RANBP2: variants seen among roughly 807,000 people sequenced by gnomAD.
The protein encoded by RANBP2 is RAN binding protein 2, also known as E3 SUMO-protein ligase RanBP2.
Under a neutral mutation model 303.6 loss-of-function variants are expected in RANBP2, and 57 were observed. That is an observed-to-expected ratio of 0.19 (90% CI 0.15 to 0.23). The LOEUF (loss-of-function observed/expected upper bound fraction) is 0.23, where lower values mean the gene tolerates loss of function less well. RANBP2 is among the 10% of genes least tolerant of loss of function. The probability of loss-of-function intolerance (pLI) is 1.00; values close to 1 mark genes in which losing one functional copy is unlikely to be tolerated. For synonymous variants in RANBP2, 1,167 were observed against 1,301.5 expected (o/e 0.90, Z 2.23); for missense variants, 3,138 against 3,780.8 (o/e 0.83, Z 4.46).
chr2:108,766,434 C>A lies in RANBP2; in HGVS notation c.5895C>A (p.Asp1965Glu). 1 of 1,611,890 alleles carries A rather than the reference C, an allele frequency of 6.2e-7. No individual in the cohort carries two copies. The highest frequency in any genetic ancestry group is 8.5e-7 in the Non-Finnish European group (1 of 1,179,842). ...SGEGFQFGKKDPNFKGFSGAG... is the reference protein window; with the variant it reads ...SGEGFQFGKKEPNFKGFSGAG... ...AAGGATTTCAGTTTGGCAAAAAAGA[C>A]CCCAATTTCAAGGGATTTTCAGGTG... Residue 1965 changes from aspartate to glutamate, a missense_variant, in exon 20 of 29, where the codon GAC becomes GAA. Coordinates refer to ENST00000283195, the MANE Select transcript of RANBP2 (RefSeq NM_006267.5).
the RANBP2 span, among the ~76,000 whole-genome samples, chr2:109,563,615 T>C: frequency 1.3e-5 from 2 of 152,194 alleles, no homozygotes; most frequent in Non-Finnish European, 2.9e-5. Flanking sequence ...CCAAGGAAGT[T>C]TCTACAACTT....
the RANBP2 span, among the ~76,000 whole-genome samples, chr2:109,111,135 G>C: frequency 6.6e-6 from 1 of 152,142 alleles, no homozygotes; most frequent in African/African-American, 2.4e-5. Context: ...TGCTTTACAA[G>C]GTAGCCCACT....
the RANBP2 span, among the ~76,000 whole-genome samples, chr2:109,075,848 A>G: frequency 6.6e-6 from 1 of 150,584 alleles, no homozygotes; most frequent in Non-Finnish European, 1.5e-5. Context: ...CCCAAAAAAG[A>G]AAAATCGATG....
chr2:109,260,759 G>T, the RANBP2 span, among the ~76,000 whole-genome samples: 2 of 152,158 alleles, frequency 1.3e-5, no homozygotes, highest in Non-Finnish European at 2.9e-5. Flanking sequence ...CAGAAGGCAC[G>T]GAAACTTCAG....
the RANBP2 span, among the ~76,000 whole-genome samples, chr2:109,396,198 G>A: frequency 5.3e-5 from 8 of 152,210 alleles, no homozygotes; most frequent in Non-Finnish European, 8.8e-5. Context: ...AGAGCCCCAC[G>A]GAGGGCTGTG....
chr2:108,846,667 A>T, the RANBP2 span: 1 of 1,360,064 alleles, frequency 7.4e-7, no homozygotes, highest in Non-Finnish European at 1.0e-6. Context: ...ACAGAGCAAG[A>T]CTGTGTCTCA....
At chr2:109,465,743 A>C in the RANBP2 span, among the ~76,000 whole-genome samples, 2 of 152,186 alleles carry the variant, frequency 1.3e-5, no homozygotes, top group African/African-American at 4.8e-5. Flanking sequence ...CGGAAGACAA[A>C]GAGGGAACAA....
At chr2:109,665,085 T>C in the RANBP2 span, 1 of 152,220 alleles carries the variant, frequency 6.6e-6, no homozygotes, top group Non-Finnish European at 1.5e-5. Context: ...AAAACCTTTA[T>C]GGAAGTACAG....
the RANBP2 span, among the ~76,000 whole-genome samples, chr2:109,143,998 C>T: frequency 6.6e-6 from 1 of 152,158 alleles, no homozygotes; most frequent in Admixed American, 6.5e-5. Context: ...AATCTAAAAA[C>T]ACTGAATTCA....
the RANBP2 span, among the ~76,000 whole-genome samples, chr2:109,625,103 A>AAAAAAAAAAAG: frequency 6.9e-6 from 1 of 145,224 alleles, no homozygotes; most frequent in Non-Finnish European, 1.5e-5. Context: ...AAAAAAAAAA[A>AAAAAAAAAAAG]AAAAGAAAAG....
At chr2:108,816,880 A>G in the RANBP2 span, among the ~76,000 whole-genome samples, 1 of 152,168 alleles carries the variant, frequency 6.6e-6, no homozygotes, top group Non-Finnish European at 1.5e-5. Flanking sequence ...AAATTTTTGT[A>G]GAGATCAGAC....
At chr2:109,612,763 A>G in the RANBP2 span, among the ~76,000 whole-genome samples, 5 of 152,196 alleles carry the variant, frequency 3.3e-5, no homozygotes, top group Admixed American at 3.3e-4. Flanking sequence ...GGGTCCAGAC[A>G]GAAAATTTGA....
At chr2:109,521,425 C>T in the RANBP2 span, among the ~76,000 whole-genome samples, 2 of 152,060 alleles carry the variant, frequency 1.3e-5, no homozygotes, top group South Asian at 4.2e-4. Context: ...GATTTCCTCA[C>T]CACTTCAGTA....
rs1408002291 is a variant in RANBP2 at position 108,729,756 on chromosome 2, C to G, written c.140+557C>G. Among the ~76,000 whole-genome samples, 3 of 148,856 alleles carry G rather than the reference C, an allele frequency of 2.0e-5. No individual in the cohort carries two copies. The East Asian group carries it at 5.9e-4, about 29-fold the overall frequency. ...TTTTAGGCAGTATCTGTCTCTCTTG[C>G]TCAGGCTGGAGTGCAGCAGCTGGCT... On this transcript the variant is annotated intron_variant, in intron 2 of 28. Coordinates refer to ENST00000283195, the MANE Select transcript of RANBP2 (RefSeq NM_006267.5).
At chr2:109,164,698 T>C in the RANBP2 span, among the ~76,000 whole-genome samples, 1 of 152,156 alleles carries the variant, frequency 6.6e-6, no homozygotes, top group Admixed American at 6.5e-5. Context: ...GTGTAAATAC[T>C]CCCATCATGA....
chr2:109,734,213 G>T, the RANBP2 span, among the ~76,000 whole-genome samples: 1 of 150,612 alleles, frequency 6.6e-6, no homozygotes, highest in African/African-American at 2.4e-5. Flanking sequence ...AAAGGAATAG[G>T]TGAAACTATT....
chr2:108,813,638 A>G, the RANBP2 span, among the ~76,000 whole-genome samples: 1 of 152,204 alleles, frequency 6.6e-6, no homozygotes, highest in Non-Finnish European at 1.5e-5. Flanking sequence ...TATAAATTAC[A>G]TATGGTAACA....
the RANBP2 span, among the ~76,000 whole-genome samples, chr2:109,010,284 C>T: frequency 3.3e-5 from 5 of 152,082 alleles, no homozygotes; most frequent in Admixed American, 6.6e-5. Flanking sequence ...GCATCCTCTA[C>T]GGAAGGTAAG....
chr2:108,869,035 T>C, the RANBP2 span, among the ~76,000 whole-genome samples: 1 of 152,210 alleles, frequency 6.6e-6, no homozygotes, highest in Non-Finnish European at 1.5e-5. Flanking sequence ...AATTTTGTTT[T>C]GTTTCCTTGA....
Sources: allele counts gnomAD v4.1 joint callset (sites outside exome capture counted in the v4.1 genomes callset), GRCh38; gene constraint gnomAD v4.1.1; transcripts MANE v1.5; gene names NCBI Gene and HGNC (gene_info 2026-07-23, HGNC 2026-07-21).